Variants in KCNH1 observed in about 807,000 individuals in gnomAD.
KCNH1 encodes voltage-gated delayed rectifier potassium channel KCNH1.
KCNH1 carries 27 observed loss-of-function variants against 69.2 expected under a neutral mutation model. That is an observed-to-expected ratio of 0.39 (90% CI 0.29 to 0.54). KCNH1 has a LOEUF of 0.54. Among genes scored for constraint, KCNH1 ranks in the 20% least tolerant of loss-of-function variants. The pLI, the probability that KCNH1 is intolerant of heterozygous loss-of-function variation, is 0.68. For missense variants in KCNH1, 798 were observed against 1,261.6 expected, an observed-to-expected ratio of 0.63 and a Z score of 5.57; for synonymous variants, 456 against 487.7, an observed-to-expected ratio of 0.93 and a Z score of 0.86.
intron 6 of KCNH1, among the ~76,000 whole-genome samples, chr1:210,953,900 T>C (rs1201612799): frequency 6.6e-6 from 1 of 152,118 alleles, no homozygotes; most frequent in Non-Finnish European, 1.5e-5. Flanking sequence ...GCATAAGAGG[T>C]TCTCTTTTTA....
chr1:211,133,922 C>G lies in KCNH1; in HGVS notation c.24G>C (p.Arg8Ser). Reference sequence around the variant, plus strand: ...ACGTGTTTTGAGGGGCCACTAGTCCCCTCCTGCCCCCAGCCATGGTCATCC... The same window carrying G: ...ACGTGTTTTGAGGGGCCACTAGTCCGCTCCTGCCCCCAGCCATGGTCATCC... MTMAGGRRGLVAPQNTFL... is the reference protein window; with the variant it reads MTMAGGRSGLVAPQNTFL... The change falls in exon 1 of 11, where the codon AGG becomes AGC. Residue 8 changes from arginine (R) to serine (S), a missense_variant. Arg to Ser is a moderately radical substitution (Grantham distance 110). Around this residue, in one of 4 missense-constraint regions of KCNH1, gnomAD observed 266 missense variants for 457.2 expected, o/e 0.58. Transcript: ENST00000271751. This position sits in a 1 kb window ranked among gnomAD's most constrained non-coding sequence, Gnocchi z 5.4. The G allele has an allele frequency of 6.2e-7, 1 of 1,609,958 alleles. No individual in the cohort carries two copies. Among genetic ancestry groups the G allele is most frequent in the Non-Finnish European group, 8.5e-7 (1 of 1,178,316 alleles).
chr1:210,730,487 G>T (rs556473324), intron 10 of KCNH1, among the ~76,000 whole-genome samples: 1 of 152,292 alleles, frequency 6.6e-6, no homozygotes, highest in South Asian at 2.1e-4. Context: ...GAGACAGTTG[G>T]ATAATAATCC....
chr1:210,900,939 C>T (rs909970233), intron 7 of KCNH1, among the ~76,000 whole-genome samples: 2 of 152,120 alleles, frequency 1.3e-5, no homozygotes, highest in Non-Finnish European at 2.9e-5. Context: ...AAAACACAGA[C>T]ACCCCTCCCT....
At chr1:210,734,588 G>C (rs555167420) in intron 10 of KCNH1, among the ~76,000 whole-genome samples, 21 of 152,068 alleles carry the variant, frequency 1.4e-4, no homozygotes, top group African/African-American at 4.6e-4. Context: ...GGGGAAAACA[G>C]ATGCTCCAGG....
At chr1:210,789,765 C>A (rs1431346665) in intron 9 of KCNH1, among the ~76,000 whole-genome samples, 1 of 152,192 alleles carries the variant, frequency 6.6e-6, no homozygotes, top group Non-Finnish European at 1.5e-5. Flanking sequence ...GGGCTTTTAT[C>A]TATGAATCAA....
chr1:210,957,742 C>CT (rs1370001457), intron 6 of KCNH1, among the ~76,000 whole-genome samples: 2 of 151,914 alleles, frequency 1.3e-5, no homozygotes, highest in Admixed American at 6.6e-5. Flanking sequence ...GCAACCCATG[C>CT]TTTTTTTGCT....
chr1:210,745,697 G>A (rs989632640), intron 10 of KCNH1, among the ~76,000 whole-genome samples: 4 of 143,232 alleles, frequency 2.8e-5, no homozygotes, highest in Admixed American at 6.8e-5. Context: ...GCTCCCACCC[G>A]CCCCCAAGCA....
intron 9 of KCNH1, among the ~76,000 whole-genome samples, chr1:210,778,009 A>C (rs1683895764): frequency 6.6e-6 from 1 of 152,234 alleles, no homozygotes; most frequent in Admixed American, 6.5e-5. Context: ...ACAAGTGAGA[A>C]GCACAAGCCA....
Position 210,754,060 on chromosome 1 carries a change from G to A in KCNH1, c.2112+21288C>T, listed in dbSNP as rs1047688909. 8.6e-5 allele frequency among the ~76,000 whole-genome samples: 13 copies of A among 151,688 alleles called. No homozygotes were observed. The South Asian group carries it at 1.7e-3, about 19-fold the overall frequency. On this transcript the variant is annotated intron_variant, in intron 10 of 10. Transcript: ENST00000271751. ...CTCCCAAGTAGCTGGGACTACAGGCGCCCGCCACTGCGCCTGGCTAATTTT... is the reference window on the plus strand; with the variant it reads ...CTCCCAAGTAGCTGGGACTACAGGCACCCGCCACTGCGCCTGGCTAATTTT...
rs1691908639 is a variant in KCNH1, at chr1:211,133,196, A to C, written c.79+671T>G. 1 of 152,150 alleles carries C rather than the reference A, an allele frequency of 6.6e-6. No individual in the cohort carries two copies. The highest frequency in any genetic ancestry group is 6.5e-5 in the Admixed American group (1 of 15,280). The allele number at this position is 152,150 out of a possible 1,614,324, so 9.4% of individuals were successfully genotyped here. A position where few individuals can be genotyped will look rare whatever the true frequency, so the allele number is the denominator to read the frequency against. On this transcript the variant is annotated intron_variant, in intron 1 of 10. Transcript: ENST00000271751. The surrounding 1 kb of genome is among the most constrained non-coding windows in gnomAD (Gnocchi z 5.4). Reference sequence around the variant, plus strand: ...ATATAACAGGTTTGTACCTGTGACCATTTAGTTCGCTCTGCACCTGTGCCC... The same window carrying C: ...ATATAACAGGTTTGTACCTGTGACCCTTTAGTTCGCTCTGCACCTGTGCCC...
At chr1:211,018,020 A>G (rs1229088502) in intron 6 of KCNH1, among the ~76,000 whole-genome samples, 1 of 152,070 alleles carries the variant, frequency 6.6e-6, no homozygotes, top group Non-Finnish European at 1.5e-5. Context: ...GCAAGTTGTT[A>G]CAAAAAGCCT....
chr1:211,029,403 A>T (rs1689742650), intron 5 of KCNH1, among the ~76,000 whole-genome samples: 1 of 150,236 alleles, frequency 6.7e-6, no homozygotes, highest in Non-Finnish European at 1.5e-5. Context: ...CAATATTGAA[A>T]AAAAAAGCCA....
intron 1 of KCNH1, among the ~76,000 whole-genome samples, chr1:211,109,374 GA>G (rs1434207408): frequency 6.6e-6 from 1 of 152,202 alleles, no homozygotes; most frequent in Non-Finnish European, 1.5e-5. Context: ...CGTAGGGGCA[GA>G]ATAATCCTTC....
chr1:211,070,426 A>C (rs77286791), intron 5 of KCNH1, among the ~76,000 whole-genome samples: 13,692 of 107,926 alleles, frequency 0.13, 922 homozygotes, highest in South Asian at 0.24. Context: ...TTTAAAAAAA[A>C]AAAAACACAC....
intron 3 of KCNH1, among the ~76,000 whole-genome samples, chr1:211,096,595 T>C (rs1691159489): frequency 6.6e-6 from 1 of 152,190 alleles, no homozygotes; most frequent in African/African-American, 2.4e-5. Context: ...ATAATTAAAA[T>C]TGCATTGATG....
intron 6 of KCNH1, among the ~76,000 whole-genome samples, chr1:210,982,762 T>A (rs1688739307): frequency 1.3e-5 from 2 of 152,210 alleles, no homozygotes; most frequent in Admixed American, 1.3e-4. Context: ...CAGCATGATT[T>A]ATAATCCTTT....
chr1:211,054,688 G>A (rs1176183189), intron 5 of KCNH1, among the ~76,000 whole-genome samples: 3 of 152,134 alleles, frequency 2.0e-5, no homozygotes, highest in Non-Finnish European at 4.4e-5. Context: ...TGCGCTAGAA[G>A]CAGTTAAAGT....
chr1:211,107,307 G>C lies in KCNH1; in HGVS notation c.150C>G (p.Cys50Trp). The change falls in exon 2 of 11, where the codon TGC becomes TGG. Residue 50 changes from cysteine to tryptophan, a missense_variant. Cys to Trp is a radical substitution (Grantham distance 215). Around this residue, in one of 4 missense-constraint regions of KCNH1, gnomAD observed 266 missense variants for 457.2 expected, o/e 0.58. Transcript: ENST00000271751. Reference sequence around the variant, plus strand: ...CTGCCCTGTGATAGCCAGACAGCTTGCAAAATCCATCATTGCTGTACACAA... The same window carrying C: ...CTGCCCTGTGATAGCCAGACAGCTTCCAAAATCCATCATTGCTGTACACAA... Reference protein sequence around the residue: ...WPIVYSNDGFCKLSGYHRAEV... With the variant: ...WPIVYSNDGFWKLSGYHRAEV... 1.2e-6 allele frequency: 2 copies of C among 1,613,054 alleles called. No individual in the cohort carries two copies. Among genetic ancestry groups the C allele is most frequent in the Non-Finnish European group, 8.5e-7 (1 of 1,179,828 alleles).
rs960716907 is a variant in KCNH1, at chr1:211,098,761, GA to G, written c.310+4734del. Reference sequence around the variant, plus strand: ...GTAATTTTAAATGGATAATAAATAGGAAAAAAACACTTCAATCTCACTAGCA... The same window carrying G: ...GTAATTTTAAATGGATAATAAATAGGAAAAAACACTTCAATCTCACTAGCA... On this transcript the variant is annotated intron_variant, in intron 3 of 10. Transcript: ENST00000271751. Among the ~76,000 whole-genome samples the G allele has an allele frequency of 8.1e-4, 123 of 151,938 alleles. 1 individual carries two copies. The highest frequency in any genetic ancestry group is 6.8e-3 in the Middle Eastern group (2 of 294).
Sources: gnomAD v4.1 joint callset for allele counts (sites outside exome capture counted in the v4.1 genomes callset) on GRCh38, gnomAD v4.1.1 for gene constraint, gnomAD v4.1.1 regional missense constraint, Gnocchi (gnomAD v3.1) non-coding constraint, MANE v1.5 for transcripts, NCBI Gene and HGNC (gene_info 2026-07-23, HGNC 2026-07-21) for gene names.